MKI67: variants seen among roughly 807,000 people sequenced by gnomAD.
The protein encoded by MKI67 is marker of proliferation Ki-67, also known as proliferation marker protein Ki-67.
A neutral mutation model predicts 233.5 loss-of-function variants in MKI67; 152 were observed. That is an observed-to-expected ratio of 0.65 (90% CI 0.57 to 0.74). The LOEUF (loss-of-function observed/expected upper bound fraction) is 0.74, where lower values mean the gene tolerates loss of function less well. Ranked by LOEUF, MKI67 falls within the 30% of genes least tolerant of loss-of-function variation. The pLI is 0.00. For missense variants in MKI67, 3,940 were observed against 3,885.2 expected (o/e 1.01, Z -0.37); for synonymous variants, 1,465 against 1,418.5 (o/e 1.03, Z -0.74).
rs375886183 is a variant in MKI67, at chr10:128,110,336, C to G, written c.2416+42G>C. 40 of 1,470,890 alleles carry G rather than the reference C, an allele frequency of 2.7e-5. No individual in the cohort carries two copies. In the African/African-American group the frequency reaches 5.1e-4, roughly 19 times the overall value. 91.1% of individuals were successfully genotyped at this position (1,470,890 alleles called of 1,614,324 possible). A position where few individuals can be genotyped will look rare whatever the true frequency, so the allele number is the denominator to read the frequency against. On this transcript the variant is annotated intron_variant, in intron 12 of 14. Coordinates refer to ENST00000368654, the MANE Select transcript of MKI67 (RefSeq NM_002417.5). ...TGTAAAAAAATAATACTGTATGTTC[C>G]TATCCCAAAACATCACAGTGTTAGG... is the stretch of plus-strand genomic sequence containing the variant.
chr10:128,112,470 G>A, intron 8 of MKI67, 25 bp from the exon 9 acceptor site: 1 of 1,606,934 alleles, frequency 6.2e-7, no homozygotes, highest in Non-Finnish European at 8.5e-7. Flanking sequence ...TTGTTTACAA[G>A]AAGCCTTAAC....
chr10:128,125,429 T>C lies in MKI67; in HGVS notation c.92+147A>G. On this transcript the variant is annotated intron_variant, in intron 2 of 14. Transcript: ENST00000368654. This position sits in a 1 kb window ranked among gnomAD's most constrained non-coding sequence, Gnocchi z 5.3. ...TACTTACAAAACAAAAAAACACAACTATGTCAACTTAGTAACGAATGGGAG... is the reference window on the plus strand; with the variant it reads ...TACTTACAAAACAAAAAAACACAACCATGTCAACTTAGTAACGAATGGGAG... 1.4e-6 allele frequency: 1 copy of C among 703,710 alleles called. No homozygotes were observed. The allele number at this position is 703,710 out of a possible 1,614,324, so 43.6% of individuals were successfully genotyped here.
At position 128,108,491 on chromosome 10, in the gene MKI67, C is replaced by T. The variant is rs1852581199; in HGVS notation, c.3349G>A (p.Glu1117Lys). The stretch of plus-strand genomic sequence containing the variant: ...GTAGTTTTCTCATCAGTCATTGATT[C>T]CTCAGAGGGACCTGGTGTCTGGAAG... ...ELFQTPGPSE[E>K]SMTDEKTTKI... Residue 1117 changes from glutamate (E) to lysine (K), a missense_variant, in exon 13 of 15, where the codon GAA (glutamate) becomes AAA (lysine). Transcript: ENST00000368654. 6 of 1,613,768 alleles carry T rather than the reference C, an allele frequency of 3.7e-6. No individual in the cohort carries two copies. The South Asian group carries it at 5.5e-5, about 15-fold the overall frequency.
rs1026363781 is a variant in MKI67, at chr10:128,106,186, T to G, written c.5654A>C (p.Asp1885Ala). Reference protein sequence around the residue: ...QRPKRSLKKADVEEEFLAFRK... With the variant: ...QRPKRSLKKAAVEEEFLAFRK... ...GAATGCTAAAAATTCTTCCTCTACG[T>G]CTGCTTTCTTGAGGCTTCTCTTGGG... The change falls in exon 13 of 15, where the codon GAC (aspartate) becomes GCC (alanine). Residue 1885 changes from aspartate to alanine, a missense_variant. Physicochemically the swap from Asp to Ala is moderately radical, Grantham distance 126. Coordinates refer to ENST00000368654, the MANE Select transcript of MKI67 (RefSeq NM_002417.5). 8.7e-6 allele frequency: 14 copies of G among 1,613,410 alleles called. No homozygotes were observed. Among genetic ancestry groups the G allele is most frequent in the Non-Finnish European group, 1.1e-5 (13 of 1,179,898 alleles).
rs756991287 is a variant in MKI67, at chr10:128,108,500, G to T, written c.3340C>A (p.Pro1114Thr). The change falls in exon 13 of 15, where the codon CCC becomes ACC. Residue 1114 changes from proline to threonine, a missense_variant. By Grantham distance (38) the Pro-to-Thr change is conservative (BLOSUM62 -1). Coordinates refer to ENST00000368654, the MANE Select transcript of MKI67 (RefSeq NM_002417.5). ...GFKELFQTPG[P>T]SEESMTDEKT... ...TCATCAGTCATTGATTCCTCAGAGG[G>T]ACCTGGTGTCTGGAAGAGCTCTTTG... 2 of 1,613,718 alleles carry T rather than the reference G, an allele frequency of 1.2e-6. No individual in the cohort carries two copies. Among genetic ancestry groups the T allele is most frequent in the African/African-American group, 1.3e-5 (1 of 74,772 alleles).
In MKI67 at chr10:128,115,231, T is replaced by C; in HGVS notation, c.1177A>G (p.Arg393Gly). ...FKAGDKTLTPRKLSTRNRTPA... is the reference protein window; with the variant it reads ...FKAGDKTLTPGKLSTRNRTPA... ...GTTCGATTTCTAGTTGAAAGCTTCC[T>C]GGGAGTAAGAGTTTTATCACCAGCC... The change falls in exon 7 of 15, where the codon AGG becomes GGG. Residue 393 changes from arginine (R) to glycine (G), a missense_variant. By Grantham distance (125) the Arg-to-Gly change is moderately radical. Coordinates refer to ENST00000368654, the MANE Select transcript of MKI67 (RefSeq NM_002417.5). 6.2e-7 allele frequency: 1 copy of C among 1,614,262 alleles called. No individual in the cohort carries two copies. The highest frequency in any genetic ancestry group is 8.5e-7 in the Non-Finnish European group (1 of 1,180,044).
intron 14 of MKI67, 86 bp downstream of exon 14, chr10:128,101,172 C>G: frequency 7.7e-7 from 1 of 1,301,864 alleles, no homozygotes; most frequent in Non-Finnish European, 1.1e-6. Context: ...GAAGATAATG[C>G]TTTTTGTTTG....
chr10:128,119,306 T>C lies in MKI67; in HGVS notation c.301A>G (p.Ser101Gly). 1 of 1,602,806 alleles carries C rather than the reference T, an allele frequency of 6.2e-7. No individual in the cohort carries two copies. The highest frequency in any genetic ancestry group is 8.5e-7 in the Non-Finnish European group (1 of 1,170,154). Residue 101 changes from serine to glycine, a missense_variant, in exon 5 of 15, where the codon AGT (serine) becomes GGT (glycine). Ser to Gly is a moderately conservative substitution (Grantham distance 56, BLOSUM62 0). Transcript: ENST00000368654. ...IDRSFRYENESLQNGRKSTEF... is the reference protein window; with the variant it reads ...IDRSFRYENEGLQNGRKSTEF... The stretch of plus-strand genomic sequence containing the variant: ...GTTGACTTCCTTCCATTCTGAAGAC[T>C]TTCATTTTCATACCTGCAGTTTATA...
chr10:128,115,302 G>A lies in MKI67; in HGVS notation c.1106C>T (p.Thr369Ile), dbSNP rs1048152921. The change falls in exon 7 of 15, where the codon ACT (threonine) becomes ATT (isoleucine). Residue 369 changes from threonine to isoleucine, a missense_variant. Thr to Ile is a moderately conservative substitution (Grantham distance 89). Coordinates refer to ENST00000368654, the MANE Select transcript of MKI67 (RefSeq NM_002417.5). ...QKHKNKDLYT[T>I]GRRESVNLGK... is the part of the protein sequence containing the mutation. ...CAGATTCACAGATTCTCTTCTACCA[G>A]TAGTATACAGGTCTTTGTTCTTATG... is the stretch of plus-strand genomic sequence containing the variant. 1.2e-6 allele frequency: 2 copies of A among 1,614,022 alleles called. No homozygotes were observed. The highest frequency in any genetic ancestry group is 1.7e-6 in the Non-Finnish European group (2 of 1,180,036).
At position 128,098,096 on chromosome 10, in the gene MKI67, A is replaced by G. The variant is rs535453129; in HGVS notation, c.*1094T>C. ...CAGGTGACCTGGGGGATGGCGGGCT[A>G]TTCTCTGATTTGGGGAACACAGAGA... On this transcript the variant is annotated 3_prime_UTR_variant, in exon 15 of 15. Coordinates refer to ENST00000368654, the MANE Select transcript of MKI67 (RefSeq NM_002417.5). 1 of 152,380 alleles carries G rather than the reference A, an allele frequency of 6.6e-6. No individual in the cohort carries two copies. Among genetic ancestry groups the G allele is most frequent in the Non-Finnish European group, 1.5e-5 (1 of 68,074 alleles). The allele number at this position is 152,380 out of a possible 1,614,324, so 9.4% of individuals were successfully genotyped here. A position where few individuals can be genotyped will look rare whatever the true frequency, so the allele number is the denominator to read the frequency against.
At chr10:128,119,142 A>T (rs1852872280) in intron 5 of MKI67, 111 bp downstream of exon 5, 2 of 774,176 alleles carry the variant, frequency 2.6e-6, no homozygotes, top group Non-Finnish European at 2.2e-6. Flanking sequence ...TCCTACTATA[A>T]CAGTAACCAC....
chr10:128,102,644 T>C lies in MKI67; in HGVS notation c.9196A>G (p.Asn3066Asp). 1 of 1,614,278 alleles carries C rather than the reference T, an allele frequency of 6.2e-7. No homozygotes were observed. The change falls in exon 13 of 15, where the codon AAC becomes GAC. Residue 3066 changes from asparagine to aspartate, a missense_variant. Asn to Asp is a conservative substitution (Grantham distance 23). Coordinates refer to ENST00000368654, the MANE Select transcript of MKI67 (RefSeq NM_002417.5). ...AKRIEPAEEL[N>D]SNDMKTNKEE... is the part of the protein sequence containing the mutation. ...TTGTTGGTTTTCATGTCGTTGCTGT[T>C]CAGCTCTTCCGCAGGTTCAATTCTT...
intron 8 of MKI67, among the ~76,000 whole-genome samples, chr10:128,113,218 G>A (rs984245282): frequency 8.5e-5 from 13 of 152,130 alleles, no homozygotes; most frequent in Non-Finnish European, 1.3e-4. Flanking sequence ...CCCCCGACTC[G>A]GTCGCATCAG....
Position 128,105,269 on chromosome 10 carries a change from G to C in MKI67, c.6571C>G (p.Leu2191Val). ...PRTPKGKAQPLEDLAGLKELF... is the reference protein window; with the variant it reads ...PRTPKGKAQPVEDLAGLKELF... ...TCTTTCAAGCCAGCCAAGTCTTCTA[G>C]GGGTTGGGCTTTTCCCTTAGGAGTT... The change falls in exon 13 of 15, where the codon CTA (leucine) becomes GTA (valine). Residue 2191 changes from leucine (L) to valine (V), a missense_variant. Coordinates refer to ENST00000368654, the MANE Select transcript of MKI67 (RefSeq NM_002417.5). 1 of 1,614,138 alleles carries C rather than the reference G, an allele frequency of 6.2e-7. No individual in the cohort carries two copies. Among genetic ancestry groups the C allele is most frequent in the Non-Finnish European group, 8.5e-7 (1 of 1,180,032 alleles).
Position 128,108,500 on chromosome 10 carries a change from G to A in MKI67, c.3340C>T (p.Pro1114Ser), listed in dbSNP as rs756991287. ...TCATCAGTCATTGATTCCTCAGAGGGACCTGGTGTCTGGAAGAGCTCTTTG... is the reference window on the plus strand; with the variant it reads ...TCATCAGTCATTGATTCCTCAGAGGAACCTGGTGTCTGGAAGAGCTCTTTG... ...GFKELFQTPG[P>S]SEESMTDEKT... is the part of the protein sequence containing the mutation. Residue 1114 changes from proline to serine, a missense_variant, in exon 13 of 15, where the codon CCC becomes TCC. Coordinates refer to ENST00000368654, the MANE Select transcript of MKI67 (RefSeq NM_002417.5). The A allele has an allele frequency of 6.8e-6, 11 of 1,613,718 alleles. No individual in the cohort carries two copies. The African/African-American group carries it at 1.5e-4, about 22-fold the overall frequency.
chr10:128,105,745 G>A lies in MKI67; in HGVS notation c.6095C>T (p.Thr2032Ile), dbSNP rs1410162754. 3.1e-6 allele frequency: 5 copies of A among 1,614,086 alleles called. No homozygotes were observed. The highest frequency in any genetic ancestry group is 2.5e-6 in the Non-Finnish European group (3 of 1,180,024). Reference protein sequence around the residue: ...SGKTTQTHRETAGDGKSIKAF... With the variant: ...SGKTTQTHREIAGDGKSIKAF... ...TTTGATGCTCTTTCCATCTCCTGCT[G>A]TCTCTCTGTGTGTCTGTGTGGTCTT... The change falls in exon 13 of 15, where the codon ACA becomes ATA. Residue 2032 changes from threonine to isoleucine, a missense_variant. Transcript: ENST00000368654.
At position 128,107,392 on chromosome 10, in the gene MKI67, G is replaced by C; in HGVS notation, c.4448C>G (p.Pro1483Arg). The C allele has an allele frequency of 6.2e-7, 1 of 1,613,326 alleles. No individual in the cohort carries two copies. ...TTTGGTAGTTTTCTCGTGAGTCGTGGGCTTGTCAGTGCATACTGGTGTCTG... is the reference window on the plus strand; with the variant it reads ...TTTGGTAGTTTTCTCGTGAGTCGTGCGCTTGTCAGTGCATACTGGTGTCTG... ...LFQTPVCTDK[P>R]TTHEKTTKIA... Residue 1483 changes from proline (P) to arginine (R), a missense_variant, in exon 13 of 15, where the codon CCC (proline) becomes CGC (arginine). Coordinates refer to ENST00000368654, the MANE Select transcript of MKI67 (RefSeq NM_002417.5).
In MKI67 at chr10:128,106,621, G is replaced by A. The variant is rs763274027; in HGVS notation, c.5219C>T (p.Ser1740Leu). ...TGGGGTGTCCACTAGGTCTGGCTGT[G>A]AAGCTCTGTAGGATACTTTGGTAGT... ...EKTTKVSYRA[S>L]QPDLVDTPTS... The change falls in exon 13 of 15, where the codon TCA becomes TTA. Residue 1740 changes from serine to leucine, a missense_variant. By Grantham distance (145) the Ser-to-Leu change is moderately radical. Coordinates refer to ENST00000368654, the MANE Select transcript of MKI67 (RefSeq NM_002417.5). 6.2e-7 allele frequency: 1 copy of A among 1,614,214 alleles called. No individual in the cohort carries two copies. Among genetic ancestry groups the A allele is most frequent in the Non-Finnish European group, 8.5e-7 (1 of 1,180,048 alleles).
chr10:128,100,584 T>A (rs532956885), intron 14 of MKI67, among the ~76,000 whole-genome samples: 22 of 152,372 alleles, frequency 1.4e-4, no homozygotes, highest in African/African-American at 4.8e-4. Context: ...CAATTCAACC[T>A]ATTTTTATTT....
Sources: allele counts gnomAD v4.1 joint callset (sites outside exome capture counted in the v4.1 genomes callset), GRCh38; gene constraint gnomAD v4.1.1; non-coding constraint Gnocchi (gnomAD v3.1); transcripts MANE v1.5; gene names NCBI Gene and HGNC (gene_info 2026-07-23, HGNC 2026-07-21).